Variants in ACADSB observed in about 807,000 individuals in gnomAD.
The protein encoded by ACADSB is short/branched chain specific acyl-CoA dehydrogenase, mitochondrial.
A neutral mutation model predicts 54.1 loss-of-function variants in ACADSB; 40 were observed. That is an observed-to-expected ratio of 0.74 (90% CI 0.57 to 0.96). The LOEUF (loss-of-function observed/expected upper bound fraction) is 0.96. Among genes scored for constraint, ACADSB ranks in the 40% least tolerant of loss-of-function variants. ACADSB has a pLI of 0.00. For synonymous variants in ACADSB, 182 were observed against 182.8 expected, an observed-to-expected ratio of 1.00 and a Z score of 0.03; for missense variants, 530 against 510.4, an observed-to-expected ratio of 1.04 and a Z score of -0.37.
At chr10:123,053,266 T>A in intron 10 of ACADSB, 106 bp downstream of exon 10, 1 of 890,596 alleles carries the variant, frequency 1.1e-6, no homozygotes, top group Admixed American at 2.1e-5. Context: ...CAATTTTAAT[T>A]TCTTCAGTAT....
At chr10:123,014,007 C>A (rs928625523) in intron 1 of ACADSB, among the ~76,000 whole-genome samples, 1 of 152,150 alleles carries the variant, frequency 6.6e-6, no homozygotes, top group South Asian at 2.1e-4. Flanking sequence ...GCGCCGAGGC[C>A]GAGGAGGCGA....
intron 5 of ACADSB, among the ~76,000 whole-genome samples, chr10:123,042,435 C>T (rs1164504244): frequency 5.5e-5 from 8 of 146,478 alleles, no homozygotes; most frequent in Middle Eastern, 3.7e-3. Context: ...ACTAATGTAA[C>T]AATTGAATTA....
At chr10:123,024,501 A>G (rs571375073) in intron 1 of ACADSB, among the ~76,000 whole-genome samples, 6 of 152,334 alleles carry the variant, frequency 3.9e-5, no homozygotes, top group Middle Eastern at 3.4e-3. Flanking sequence ...GAAAAGAGAG[A>G]GAGATTCCCC....
intron 2 of ACADSB, among the ~76,000 whole-genome samples, chr10:123,037,465 G>A (rs1227313498): frequency 6.6e-6 from 1 of 152,170 alleles, no homozygotes; most frequent in Non-Finnish European, 1.5e-5. Context: ...TTTGGGTAGA[G>A]TGGAAATGGC....
Position 123,055,274 on chromosome 10 carries a change from G to A in ACADSB, c.*1509G>A, listed in dbSNP as rs886562019. The stretch of plus-strand genomic sequence containing the variant: ...AGGCAAAAAGCACTTCTTACATGGC[G>A]GCAGCAAGAGAAAATGAGAAAGAAG... On this transcript the variant is annotated 3_prime_UTR_variant, in exon 11 of 11. Transcript: ENST00000358776. 5.6e-5 allele frequency: 11 copies of A among 196,892 alleles called. No individual in the cohort carries two copies. Among genetic ancestry groups the A allele is most frequent in the Non-Finnish European group, 9.0e-5 (9 of 100,182 alleles). 12.2% of individuals were successfully genotyped at this position (196,892 alleles called of 1,614,324 possible).
chr10:123,038,591 T>A (rs953324273), intron 3 of ACADSB, among the ~76,000 whole-genome samples: 17 of 152,224 alleles, frequency 1.1e-4, no homozygotes, highest in South Asian at 2.1e-4. Flanking sequence ...ATATTTTTTT[T>A]AATTTTTAAT....
chr10:123,048,739 T>A (rs546731460), intron 8 of ACADSB, among the ~76,000 whole-genome samples: 1 of 152,154 alleles, frequency 6.6e-6, no homozygotes, highest in East Asian at 1.9e-4. Context: ...TTTTTATTTA[T>A]TTATTTTGAG....
intron 7 of ACADSB, 94 bp from the exon 8 acceptor site, chr10:123,047,115 A>G (rs1034968401): frequency 5.8e-6 from 6 of 1,033,266 alleles, no homozygotes; most frequent in Non-Finnish European, 2.9e-6. Flanking sequence ...CCCTGCCCCA[A>G]TCATTCAATT....
intron 1 of ACADSB, among the ~76,000 whole-genome samples, chr10:123,026,672 GA>G (rs1850256259): frequency 1.3e-5 from 2 of 151,242 alleles, no homozygotes; most frequent in South Asian, 4.2e-4. Flanking sequence ...AAAAAGGAGT[GA>G]AAAAGCTCTC....
chr10:123,051,840 G>T (rs1850637439), intron 9 of ACADSB, among the ~76,000 whole-genome samples: 1 of 152,074 alleles, frequency 6.6e-6, no homozygotes, highest in Admixed American at 6.6e-5. Flanking sequence ...CTGAATTCCA[G>T]ACTAACATGT....
At chr10:123,011,145 G>T (rs1055177531) in intron 1 of ACADSB, among the ~76,000 whole-genome samples, 4 of 152,192 alleles carry the variant, frequency 2.6e-5, no homozygotes, top group Admixed American at 6.5e-5. Context: ...CATGGAGTGG[G>T]GAGAAATGCA....
At chr10:123,022,540 C>T (rs541954112) in intron 1 of ACADSB, among the ~76,000 whole-genome samples, 57 of 152,310 alleles carry the variant, frequency 3.7e-4, no homozygotes, top group South Asian at 1.2e-3. Context: ...GAGAAAGTAC[C>T]GCACGTGGTT....
At chr10:123,009,455 G>A (rs1047058290) in intron 1 of ACADSB, among the ~76,000 whole-genome samples, 1 of 152,062 alleles carries the variant, frequency 6.6e-6, no homozygotes, top group Non-Finnish European at 1.5e-5. Context: ...CACCTTTCCC[G>A]AGTGATTACA....
rs1027821739 is a variant in ACADSB, at chr10:123,057,341, T to C, written c.*3576T>C. 2.0e-5 allele frequency: 3 copies of C among 152,264 alleles called. No homozygotes were observed. Among genetic ancestry groups the C allele is most frequent in the African/African-American group, 7.2e-5 (3 of 41,468 alleles). 9.4% of individuals were successfully genotyped at this position (152,264 alleles called of 1,614,324 possible). ...AAAATTAATTATGTGTTATAGTTAATATATGCACCTACCTTCTTCCGTTAG... is the reference window on the plus strand; with the variant it reads ...AAAATTAATTATGTGTTATAGTTAACATATGCACCTACCTTCTTCCGTTAG... On this transcript the variant is annotated 3_prime_UTR_variant, in exon 11 of 11. Coordinates refer to ENST00000358776, the MANE Select transcript of ACADSB (RefSeq NM_001609.4).
At chr10:123,051,676 T>C (rs1227880373) in intron 9 of ACADSB, among the ~76,000 whole-genome samples, 1 of 152,238 alleles carries the variant, frequency 6.6e-6, no homozygotes, top group Non-Finnish European at 1.5e-5. Flanking sequence ...ACATTTGCTT[T>C]CTAGAGCTAA....
At chr10:123,036,617 C>T (rs1185759633) in intron 2 of ACADSB, among the ~76,000 whole-genome samples, 3 of 152,148 alleles carry the variant, frequency 2.0e-5, no homozygotes, top group Non-Finnish European at 4.4e-5. Context: ...TTTTAAGGAA[C>T]TCAGAATCTA....
intron 1 of ACADSB, among the ~76,000 whole-genome samples, chr10:123,026,120 CT>C (rs892999092): frequency 3.3e-5 from 5 of 152,092 alleles, no homozygotes; most frequent in African/African-American, 9.7e-5. Flanking sequence ...AATTTTTCAC[CT>C]ATCAGATGGG....
At chr10:123,035,826 T>G (rs979824753) in intron 2 of ACADSB, among the ~76,000 whole-genome samples, 8 of 152,068 alleles carry the variant, frequency 5.3e-5, no homozygotes, top group African/African-American at 1.7e-4. Flanking sequence ...AACCAGTAAC[T>G]CTCCCTCCCA....
At chr10:123,016,290 G>A (rs557191630) in intron 1 of ACADSB, among the ~76,000 whole-genome samples, 28 of 152,336 alleles carry the variant, frequency 1.8e-4, no homozygotes, top group African/African-American at 6.5e-4. Context: ...AGAGACTCCA[G>A]GGATGCCTTG....
Sources: gnomAD v4.1 joint callset for allele counts (sites outside exome capture counted in the v4.1 genomes callset) on GRCh38, gnomAD v4.1.1 for gene constraint, MANE v1.5 for transcripts, NCBI Gene and HGNC (gene_info 2026-07-23, HGNC 2026-07-21) for gene names.